AMMECR1: variants seen among roughly 807,000 people sequenced by gnomAD.
The protein encoded by AMMECR1 is nuclear protein AMMECR1.
Under a neutral mutation model 22.5 loss-of-function variants are expected in AMMECR1, and 3 were observed. The observed-to-expected ratio is 0.13, with a 90% CI of 0.06 to 0.35. The LOEUF (loss-of-function observed/expected upper bound fraction) is 0.35, where lower values mean the gene tolerates loss of function less well. Ranked by LOEUF, AMMECR1 falls within the 10% of genes least tolerant of loss-of-function variation. The probability of loss-of-function intolerance (pLI) is 1.00; values close to 1 mark genes in which losing one functional copy is unlikely to be tolerated. For missense variants in AMMECR1, 235 were observed against 278.7 expected (o/e 0.84, Z 1.12); for synonymous variants, 130 against 116.7 (o/e 1.11, Z -0.74).
chrX:110,434,067 A>G (rs1376984026), intron 1 of AMMECR1, among the ~76,000 whole-genome samples: 1 of 111,663 alleles, frequency 9.0e-6, no homozygotes, highest in Non-Finnish European at 1.9e-5. Flanking sequence ...CTTGAGCAGC[A>G]TCTTGAGGGA....
chrX:110,275,791 T>C (rs766601916), intron 1 of AMMECR1, among the ~76,000 whole-genome samples: 7 of 111,246 alleles, frequency 6.3e-5, no homozygotes, highest in Non-Finnish European at 5.7e-5. Flanking sequence ...CATGGTGCCA[T>C]TGCATTCCAG....
intron 2 of AMMECR1, among the ~76,000 whole-genome samples, chrX:110,390,903 A>T (rs1429461943): frequency 8.9e-6 from 1 of 111,881 alleles, no homozygotes; most frequent in East Asian, 2.8e-4. Context: ...AACCAGCTTC[A>T]GTGGTGAACA....
intron 2 of AMMECR1, among the ~76,000 whole-genome samples, chrX:110,331,712 G>A (rs2068121619): frequency 9.0e-6 from 1 of 110,587 alleles, no homozygotes; most frequent in Non-Finnish European, 1.9e-5. Context: ...ATTTCTCATC[G>A]TCTATAAGGA....
intron 1 of AMMECR1, among the ~76,000 whole-genome samples, chrX:110,303,945 G>C (rs916922535): frequency 1.8e-5 from 2 of 112,131 alleles, no homozygotes; most frequent in Non-Finnish European, 3.8e-5. Context: ...ATTTTACAGT[G>C]ATCACTGAAA....
rs891983292 is a variant in AMMECR1 at position 110,199,316 on chromosome X, G to A, written c.888-682C>T. Reference sequence around the variant, plus strand: ...GATTCTATACCTCCACATGCCCCTGGTTCTCCCCTGCCTCTCAGATTGCTC... The same window carrying A: ...GATTCTATACCTCCACATGCCCCTGATTCTCCCCTGCCTCTCAGATTGCTC... On this transcript the variant is annotated intron_variant, in intron 5 of 5. Transcript: ENST00000262844. 1.3e-4 allele frequency among the ~76,000 whole-genome samples: 14 copies of A among 110,186 alleles called. 1 individual carries two copies. The highest frequency in any genetic ancestry group is 1.3e-3 in the Admixed American group (13 of 10,289).
At chrX:110,335,296 G>A (rs896086959) in intron 2 of AMMECR1, among the ~76,000 whole-genome samples, 8 of 110,854 alleles carry the variant, frequency 7.2e-5, no homozygotes, top group African/African-American at 2.6e-4. Flanking sequence ...AGACCACCTT[G>A]GGAGCAAAGA....
intron 2 of AMMECR1, among the ~76,000 whole-genome samples, chrX:110,419,815 C>T (rs976890748): frequency 8.9e-6 from 1 of 112,148 alleles, no homozygotes; most frequent in African/African-American, 3.2e-5. Flanking sequence ...CAGACACAGT[C>T]TTATGAAATT....
intron 1 of AMMECR1, among the ~76,000 whole-genome samples, chrX:110,290,402 A>G (rs1396182423): frequency 1.8e-5 from 2 of 111,824 alleles, no homozygotes; most frequent in Non-Finnish European, 3.8e-5. Context: ...ATCTATTTTA[A>G]CTTGTCACTT....
chrX:110,243,382 T>A (rs1373021955), intron 2 of AMMECR1, among the ~76,000 whole-genome samples: 1 of 112,105 alleles, frequency 8.9e-6, no homozygotes, highest in African/African-American at 3.2e-5. Context: ...AAAACAACTC[T>A]TGTAAATTGG....
chrX:110,408,371 C>T (rs919952682), intron 2 of AMMECR1, among the ~76,000 whole-genome samples: 5 of 112,099 alleles, frequency 4.5e-5, no homozygotes, highest in African/African-American at 1.3e-4. Context: ...AGAGGGTATT[C>T]AGAGGACTGG....
intron 2 of AMMECR1, among the ~76,000 whole-genome samples, chrX:110,230,543 C>A (rs766046118): frequency 8.9e-6 from 1 of 111,867 alleles, no homozygotes; most frequent in African/African-American, 3.3e-5. Context: ...CATCAAAGAC[C>A]AAAGATAGAT....
At chrX:110,417,520 C>A (rs2068686461) in intron 2 of AMMECR1, among the ~76,000 whole-genome samples, 1 of 111,915 alleles carries the variant, frequency 8.9e-6, no homozygotes, top group South Asian at 3.8e-4. Flanking sequence ...TAGCAGTTTA[C>A]CTTGCCTACA....
intron 2 of AMMECR1, among the ~76,000 whole-genome samples, chrX:110,417,553 C>A (rs1159927286): frequency 8.9e-6 from 1 of 111,844 alleles, no homozygotes; most frequent in Non-Finnish European, 1.9e-5. Context: ...TGCATCTTCC[C>A]AGCAGGTTTT....
chrX:110,316,379 G>A (rs995695996), intron 1 of AMMECR1, among the ~76,000 whole-genome samples: 1 of 111,440 alleles, frequency 9.0e-6, no homozygotes, highest in Admixed American at 9.5e-5. Context: ...TGGGGGACAA[G>A]GGGCACTTGT....
At chrX:110,340,581 A>G (rs934487809) in intron 2 of AMMECR1, among the ~76,000 whole-genome samples, 6 of 112,022 alleles carry the variant, frequency 5.4e-5, no homozygotes, top group Admixed American at 2.8e-4. Flanking sequence ...TAGTGTGACC[A>G]TGAACAAATC....
rs186729440 is a variant in AMMECR1, at chrX:110,224,943, T to A, written c.585-8311A>T. On this transcript the variant is annotated intron_variant, in intron 2 of 5. Transcript: ENST00000262844. Reference sequence around the variant, plus strand: ...TAGCAGTCTCCAAGCTGTTTTTTTTTAAAATTAGTTTTTCGTTTTTTAAAT... The same window carrying A: ...TAGCAGTCTCCAAGCTGTTTTTTTTAAAAATTAGTTTTTCGTTTTTTAAAT... 2.0e-5 allele frequency: 7 copies of A among 347,999 alleles called. No homozygotes were observed. In the East Asian group the frequency reaches 3.2e-4, roughly 16 times the overall value. The allele number at this position is 347,999 out of a possible 1,213,427, so 28.7% of individuals were successfully genotyped here. A position where few individuals can be genotyped will look rare whatever the true frequency, so the allele number is the denominator to read the frequency against.
At chrX:110,375,582 G>A (rs936587377) in intron 2 of AMMECR1, among the ~76,000 whole-genome samples, 1 of 111,775 alleles carries the variant, frequency 8.9e-6, no homozygotes, top group Non-Finnish European at 1.9e-5. Context: ...CAATCAATTA[G>A]AGCCTGCCCT....
intron 2 of AMMECR1, among the ~76,000 whole-genome samples, chrX:110,259,190 C>T (rs748525303): frequency 9.0e-5 from 10 of 111,479 alleles, no homozygotes; most frequent in Non-Finnish European, 1.5e-4. Flanking sequence ...ACACACAACC[C>T]CACTAACCCA....
chrX:110,290,381 C>T (rs1178469343), intron 1 of AMMECR1, among the ~76,000 whole-genome samples: 2 of 111,672 alleles, frequency 1.8e-5, no homozygotes, highest in African/African-American at 6.5e-5. Context: ...GCTACTTTTG[C>T]AACTACTATT....
Sources: allele counts gnomAD v4.1 joint callset (sites outside exome capture counted in the v4.1 genomes callset), GRCh38; gene constraint gnomAD v4.1.1; transcripts MANE v1.5; gene names NCBI Gene and HGNC (gene_info 2026-07-23, HGNC 2026-07-21).